The following SFRP5 variants were observed in gnomAD, a reference collection of about 807,000 sequenced individuals.
SFRP5 encodes the protein secreted frizzled related protein 5, also known as secreted frizzled-related protein 5.
SFRP5 carries 22 observed loss-of-function variants against 27.0 expected under a neutral mutation model. That is an observed-to-expected ratio of 0.82 (90% CI 0.58 to 1.17). SFRP5 has a LOEUF of 1.17. SFRP5 is among the 50% of genes most tolerant of loss of function. The probability of loss-of-function intolerance (pLI) is 0.00; values close to 1 mark genes in which losing one functional copy is unlikely to be tolerated. For synonymous variants in SFRP5, 171 were observed against 195.0 expected, an observed-to-expected ratio of 0.88 and a Z score of 1.03; for missense variants, 406 against 436.6, an observed-to-expected ratio of 0.93 and a Z score of 0.63.
At position 97,771,450 on chromosome 10, in the gene SFRP5, G is replaced by T; in HGVS notation, c.384C>A (p.Cys128Ter). 6.2e-7 allele frequency: 1 copy of T among 1,612,694 alleles called. No homozygotes were observed. Among genetic ancestry groups the T allele is most frequent in the Non-Finnish European group, 8.5e-7 (1 of 1,179,304 alleles). ...DRPIYPCRSL[C>*]EAVRAGCAPL... The stretch of plus-strand genomic sequence containing the variant: ...GCGCGCAGCCGGCGCGCACGGCCTC[G>T]CACAGCGAGCGGCACGGGTAGATGG... The change falls in exon 1 of 3, where the codon TGC becomes TGA. Residue 128 changes from cysteine to a stop codon, truncating the protein, a stop_gained. Transcript: ENST00000266066. LOFTEE classifies it high-confidence loss of function. This position sits in a 1 kb window ranked among gnomAD's most constrained non-coding sequence, Gnocchi z 5.2.
chr10:97,771,190 GT>G lies in SFRP5; in HGVS notation c.529+114del. ...ACGCTGGGCTGAGCTAGGACAGCGT[GT>G]GTGTGTGTGTGTGGGCGGAGGGGGG... On this transcript the variant is annotated intron_variant, in intron 1 of 2. Transcript: ENST00000266066. The surrounding 1 kb of genome is among the most constrained non-coding windows in gnomAD (Gnocchi z 5.2). 4 of 612,252 alleles carry G rather than the reference GT, an allele frequency of 6.5e-6. No individual in the cohort carries two copies. Among genetic ancestry groups the G allele is most frequent in the South Asian group, 2.2e-5 (1 of 46,270 alleles). The allele number at this position is 612,252 out of a possible 1,614,324, so 37.9% of individuals were successfully genotyped here.
rs2049494309 is a variant in SFRP5, at chr10:97,767,830, A to G, written c.638T>C (p.Ile213Thr). 2.0e-6 allele frequency: 3 copies of G among 1,530,732 alleles called. No homozygotes were observed. The highest frequency in any genetic ancestry group is 4.4e-5 in the Admixed American group (2 of 45,580). 94.8% of individuals were successfully genotyped at this position (1,530,732 alleles called of 1,614,324 possible). The change falls in exon 3 of 3, where the codon ATA becomes ACA. Residue 213 changes from isoleucine to threonine, a missense_variant. Coordinates refer to ENST00000266066, the MANE Select transcript of SFRP5 (RefSeq NM_003015.3). ...VVKMRIKEIK[I>T]ENGDRKLIGA... ...AATCAGCTTCCGGTCCCCATTCTCT[A>G]TCTTGATCTCCTTGATGCGCATTTT...
intron 2 of SFRP5, 118 bp downstream of exon 2, chr10:97,769,550 G>C (rs1190348061): frequency 4.3e-6 from 3 of 696,842 alleles, no homozygotes; most frequent in African/African-American, 1.8e-5. Context: ...CGGGAGCCAT[G>C]ATGCAAAAAC....
Position 97,771,809 on chromosome 10 carries a change from C to G in SFRP5, c.25G>C (p.Gly9Arg), listed in dbSNP as rs763975540. MRAAAAGG[G>R]VRTAALALLL... ...AGCGCCAGCGCGGCCGTCCGCACGC[C>G]CCCCCCCGCCGCCGCCGCCCGCATG... is the stretch of plus-strand genomic sequence containing the variant. The change falls in exon 1 of 3, where the codon GGC (glycine) becomes CGC (arginine). Residue 9 changes from glycine (G) to arginine (R), a missense_variant. Physicochemically the swap from Gly to Arg is moderately radical, Grantham distance 125 (BLOSUM62 -2). Coordinates refer to ENST00000266066, the MANE Select transcript of SFRP5 (RefSeq NM_003015.3). This position sits in a 1 kb window ranked among gnomAD's most constrained non-coding sequence, Gnocchi z 5.2. 49 of 1,131,942 alleles carry G rather than the reference C, an allele frequency of 4.3e-5. No homozygotes were observed. The East Asian group carries it at 1.3e-3, about 30-fold the overall frequency. 70.1% of individuals were successfully genotyped at this position (1,131,942 alleles called of 1,614,324 possible).
intron 1 of SFRP5, 21 bp from the exon 2 acceptor site, chr10:97,769,766 G>A (rs770953571): frequency 6.3e-7 from 1 of 1,592,072 alleles, no homozygotes; most frequent in Admixed American, 1.7e-5. Flanking sequence ...AAAGTGGGGT[G>A]GGGTTGGGGG....
chr10:97,771,196 GT>G lies in SFRP5; in HGVS notation c.529+108del. 1 of 653,154 alleles carries G rather than the reference GT, an allele frequency of 1.5e-6. No individual in the cohort carries two copies. Among genetic ancestry groups the G allele is most frequent in the Non-Finnish European group, 2.6e-6 (1 of 382,494 alleles). The allele number at this position is 653,154 out of a possible 1,614,324, so 40.5% of individuals were successfully genotyped here. On this transcript the variant is annotated intron_variant, in intron 1 of 2. Coordinates refer to ENST00000266066, the MANE Select transcript of SFRP5 (RefSeq NM_003015.3). This position sits in a 1 kb window ranked among gnomAD's most constrained non-coding sequence, Gnocchi z 5.2. ...GGCTGAGCTAGGACAGCGTGTGTGT[GT>G]GTGTGTGGGCGGAGGGGGGGAGCTG...
At position 97,771,426 on chromosome 10, in the gene SFRP5, C is replaced by T; in HGVS notation, c.408G>A (p.Ala136=). The T allele has an allele frequency of 6.2e-7, 1 of 1,612,962 alleles. No individual in the cohort carries two copies. The highest frequency in any genetic ancestry group is 1.1e-5 in the South Asian group (1 of 91,026). The change falls in exon 1 of 3, where the codon GCG becomes GCA. Residue 136 remains alanine, a synonymous_variant. Transcript: ENST00000266066. This position sits in a 1 kb window ranked among gnomAD's most constrained non-coding sequence, Gnocchi z 5.2. ...GGAAGCCGTAGGCCTCCATGAGCGG[C>T]GCGCAGCCGGCGCGCACGGCCTCGC... ...SLCEAVRAGC[A]PLMEAYGFPW... is the part of the protein sequence containing the mutation.
rs2049487228 is a variant in SFRP5, at chr10:97,766,903, A to G, written c.*611T>C. On this transcript the variant is annotated 3_prime_UTR_variant, in exon 3 of 3. Coordinates refer to ENST00000266066, the MANE Select transcript of SFRP5 (RefSeq NM_003015.3). ...AGAGGCTGAGGAATGAATCCCGGGA[A>G]TCGAGCCGCGGGCGGACCAGAAGGG... The G allele has an allele frequency of 6.6e-6, 1 of 152,026 alleles. No homozygotes were observed. Among genetic ancestry groups the G allele is most frequent in the South Asian group, 2.1e-4 (1 of 4,800 alleles). 9.4% of individuals were successfully genotyped at this position (152,026 alleles called of 1,614,324 possible).
In SFRP5 at chr10:97,767,481, AGGCACAGCT is replaced by A. The variant is rs766032997; in HGVS notation, c.*24_*32del. Reference sequence around the variant, plus strand: ...TTGGGGCGGGGCCAGAGGGCAAGCAAGGCACAGCTGGCAGGGCAAGGAGGAGTGCCCTTC... The same window carrying A: ...TTGGGGCGGGGCCAGAGGGCAAGCAAGGCAGGGCAAGGAGGAGTGCCCTTC... On this transcript the variant is annotated 3_prime_UTR_variant, in exon 3 of 3. Coordinates refer to ENST00000266066, the MANE Select transcript of SFRP5 (RefSeq NM_003015.3). 2 of 1,527,420 alleles carry A rather than the reference AGGCACAGCT, an allele frequency of 1.3e-6. No individual in the cohort carries two copies. The highest frequency in any genetic ancestry group is 1.8e-6 in the Non-Finnish European group (2 of 1,123,992). 94.6% of individuals were successfully genotyped at this position (1,527,420 alleles called of 1,614,324 possible). A position where few individuals can be genotyped will look rare whatever the true frequency, so the allele number is the denominator to read the frequency against.
Position 97,767,628 on chromosome 10 carries a change from G to A in SFRP5, c.840C>T (p.Ala280=), listed in dbSNP as rs913666637. ...RKVDGQLLLM[A]VYRWDKKNKE... is the part of the protein sequence containing the mutation. The stretch of plus-strand genomic sequence containing the variant: ...TATTCTTCTTGTCCCAGCGGTAGAC[G>A]GCCATGAGCAGCAGCTGTCCATCCA... Residue 280 remains alanine, a synonymous_variant, in exon 3 of 3, where the codon GCC becomes GCT. Transcript: ENST00000266066. The A allele has an allele frequency of 1.4e-5, 22 of 1,613,774 alleles. No homozygotes were observed. The highest frequency in any genetic ancestry group is 2.7e-5 in the African/African-American group (2 of 74,922).
rs754903089 is a variant in SFRP5, at chr10:97,771,597, G to T, written c.237C>A (p.His79Gln). 6.2e-7 allele frequency: 1 copy of T among 1,611,528 alleles called. No individual in the cohort carries two copies. Among genetic ancestry groups the T allele is most frequent in the Non-Finnish European group, 8.5e-7 (1 of 1,179,472 alleles). Residue 79 changes from histidine (H) to glutamine (Q), a missense_variant, in exon 1 of 3, where the codon CAC becomes CAA. His to Gln is a conservative substitution (Grantham distance 24, BLOSUM62 0). Transcript: ENST00000266066. This position sits in a 1 kb window ranked among gnomAD's most constrained non-coding sequence, Gnocchi z 5.2. ...GCTGCTTCACTTCGGCCAGGCTCTC[G>T]TGCTCCAGCAGGTTGGGCAGCCGCA... is the stretch of plus-strand genomic sequence containing the variant. Reference protein sequence around the residue: ...KRMRLPNLLEHESLAEVKQQA... With the variant: ...KRMRLPNLLEQESLAEVKQQA...
rs754814877 is a variant in SFRP5, at chr10:97,771,487, C to T, written c.347G>A (p.Cys116Tyr). Reference sequence around the variant, plus strand: ...GCACGGGTAGATGGGCCGGTCGAGACAGACGGGCGCAAAGAGCGAGCACAG... The same window carrying T: ...GCACGGGTAGATGGGCCGGTCGAGATAGACGGGCGCAAAGAGCGAGCACAG... ...VFLCSLFAPV[C>Y]LDRPIYPCRS... The change falls in exon 1 of 3, where the codon TGT (cysteine) becomes TAT (tyrosine). Residue 116 changes from cysteine (C) to tyrosine (Y), a missense_variant. By Grantham distance (194) the Cys-to-Tyr change is radical (BLOSUM62 -2). Coordinates refer to ENST00000266066, the MANE Select transcript of SFRP5 (RefSeq NM_003015.3). This position sits in a 1 kb window ranked among gnomAD's most constrained non-coding sequence, Gnocchi z 5.2. 1.2e-6 allele frequency: 2 copies of T among 1,610,954 alleles called. No individual in the cohort carries two copies. Among genetic ancestry groups the T allele is most frequent in the African/African-American group, 2.7e-5 (2 of 74,818 alleles).
chr10:97,770,837 C>T (rs1590135622), intron 1 of SFRP5, among the ~76,000 whole-genome samples: 1 of 152,194 alleles, frequency 6.6e-6, no homozygotes, highest in Admixed American at 6.5e-5. Flanking sequence ...CATCCCTTCC[C>T]TCACCTCTCC....
chr10:97,770,993 G>A (rs531391124), intron 1 of SFRP5, among the ~76,000 whole-genome samples: 44 of 152,234 alleles, frequency 2.9e-4, no homozygotes, highest in African/African-American at 7.7e-4. Context: ...CAGGATTGGG[G>A]GGACGGCATT....
Position 97,767,604 on chromosome 10 carries a change from ATTC to A in SFRP5, c.861_863del (p.Lys287del), listed in dbSNP as rs754938396. 23 of 1,613,526 alleles carry A rather than the reference ATTC, an allele frequency of 1.4e-5. No homozygotes were observed. The highest frequency in any genetic ancestry group is 1.6e-4 in the Middle Eastern group (1 of 6,084). On this transcript the variant is annotated inframe_deletion, in exon 3 of 3. Transcript: ENST00000266066. Reference sequence around the variant, plus strand: ...ATTTGACTGCAAACTTCATCTCCTTATTCTTCTTGTCCCAGCGGTAGACGGCCA... The same window carrying A: ...ATTTGACTGCAAACTTCATCTCCTTATTCTTGTCCCAGCGGTAGACGGCCA...
At chr10:97,770,990 G>T (rs908963440) in intron 1 of SFRP5, among the ~76,000 whole-genome samples, 6 of 152,104 alleles carry the variant, frequency 3.9e-5, no homozygotes, top group South Asian at 2.1e-4. Context: ...TCCCAGGATT[G>T]GGGGGACGGC....
At position 97,771,513 on chromosome 10, in the gene SFRP5, G is replaced by A. The variant is rs1331468366; in HGVS notation, c.321C>T (p.Phe107=). 2.5e-6 allele frequency: 4 copies of A among 1,610,018 alleles called. No individual in the cohort carries two copies. The highest frequency in any genetic ancestry group is 3.4e-6 in the Non-Finnish European group (4 of 1,177,116). ...AGACGGGCGCAAAGAGCGAGCACAG[G>A]AAGACCTGCGTATCCGAGTGGCAGC... ...AKRCHSDTQV[F]LCSLFAPVCL... The change falls in exon 1 of 3, where the codon TTC becomes TTT. Residue 107 remains phenylalanine (F), a synonymous_variant. Coordinates refer to ENST00000266066, the MANE Select transcript of SFRP5 (RefSeq NM_003015.3). This position sits in a 1 kb window ranked among gnomAD's most constrained non-coding sequence, Gnocchi z 5.2.
chr10:97,767,484 C>A lies in SFRP5; in HGVS notation c.*30G>T. On this transcript the variant is annotated 3_prime_UTR_variant, in exon 3 of 3. Coordinates refer to ENST00000266066, the MANE Select transcript of SFRP5 (RefSeq NM_003015.3). ...GGGCGGGGCCAGAGGGCAAGCAAGGCACAGCTGGCAGGGCAAGGAGGAGTG... is the reference window on the plus strand; with the variant it reads ...GGGCGGGGCCAGAGGGCAAGCAAGGAACAGCTGGCAGGGCAAGGAGGAGTG... The A allele has an allele frequency of 6.5e-7, 1 of 1,538,236 alleles. No individual in the cohort carries two copies. Among genetic ancestry groups the A allele is most frequent in the South Asian group, 1.2e-5 (1 of 81,562 alleles).
chr10:97,771,381 G>C lies in SFRP5; in HGVS notation c.453C>G (p.His151Gln). The change falls in exon 1 of 3, where the codon CAC (histidine) becomes CAG (glutamine). Residue 151 changes from histidine (H) to glutamine (Q), a missense_variant. His to Gln is a conservative substitution (Grantham distance 24). Coordinates refer to ENST00000266066, the MANE Select transcript of SFRP5 (RefSeq NM_003015.3). This position sits in a 1 kb window ranked among gnomAD's most constrained non-coding sequence, Gnocchi z 5.2. ...CGTTGTCCAGGGGGAACTTGTGGCA[G>C]TGCAGCATCTCAGGCCAGGGGAAGC... Reference protein sequence around the residue: ...AYGFPWPEMLHCHKFPLDNDL... With the variant: ...AYGFPWPEMLQCHKFPLDNDL... 2 of 1,612,450 alleles carry C rather than the reference G, an allele frequency of 1.2e-6. No individual in the cohort carries two copies. Among genetic ancestry groups the C allele is most frequent in the South Asian group, 1.1e-5 (1 of 91,024 alleles).
Sources: allele counts gnomAD v4.1 joint callset (sites outside exome capture counted in the v4.1 genomes callset), GRCh38; gene constraint gnomAD v4.1.1; non-coding constraint Gnocchi (gnomAD v3.1); transcripts MANE v1.5; gene names NCBI Gene and HGNC (gene_info 2026-07-23, HGNC 2026-07-21).